The following EN2 variants were observed in gnomAD, a reference collection of about 807,000 sequenced individuals.
EN2 encodes homeobox protein engrailed-2.
EN2 carries 7 observed loss-of-function variants against 25.0 expected under a neutral mutation model. The ratio of observed to expected loss-of-function variants is 0.28; its 90% confidence interval spans 0.16 to 0.53. The LOEUF (loss-of-function observed/expected upper bound fraction) is 0.53, where lower values mean the gene tolerates loss of function less well. Among genes scored for constraint, EN2 ranks in the 20% least tolerant of loss-of-function variants. EN2 has a pLI of 0.96. For synonymous variants in EN2, 277 were observed against 243.3 expected (o/e 1.14, Z -1.29); for missense variants, 524 against 501.8 (o/e 1.04, Z -0.42).
At chr7:155,459,182 C>G (rs1182058782) in intron 1 of EN2, 120 bp downstream of exon 1, 2 of 1,094,040 alleles carry the variant, frequency 1.8e-6, no homozygotes, top group East Asian at 6.0e-5. Context: ...CGCGCACACG[C>G]ACAAAGACTC....
Position 155,464,102 on chromosome 7 carries a change from A to G in EN2, c.*1415A>G, listed in dbSNP as rs1795731514. 6.6e-6 allele frequency: 1 copy of G among 152,208 alleles called. No homozygotes were observed. The highest frequency in any genetic ancestry group is 6.5e-5 in the Admixed American group (1 of 15,280). The allele number at this position is 152,208 out of a possible 1,614,324, so 9.4% of individuals were successfully genotyped here. A position where few individuals can be genotyped will look rare whatever the true frequency, so the allele number is the denominator to read the frequency against. ...CTCAGAATCCTCCAGGATCTAGAAG[A>G]AGGAAGAAAGTGTGTAAATAATCAT... On this transcript the variant is annotated 3_prime_UTR_variant, in exon 2 of 2. Transcript: ENST00000297375.
chr7:155,458,483 A>T lies in EN2; in HGVS notation c.106A>T (p.Ser36Cys). ...GGGSGGGGGSSPGEADTGRRR... is the reference protein window; with the variant it reads ...GGGSGGGGGSCPGEADTGRRR... ...CGGCTCGGGCGGCGGCGGCGGTAGC[A>T]GCCCGGGCGAAGCGGACACCGGGCG... The change falls in exon 1 of 2, where the codon AGC becomes TGC. Residue 36 changes from serine (S) to cysteine (C), a missense_variant. By Grantham distance (112) the Ser-to-Cys change is moderately radical. Transcript: ENST00000297375. The T allele has an allele frequency of 7.7e-7, 1 of 1,296,212 alleles. No homozygotes were observed. Among genetic ancestry groups the T allele is most frequent in the Non-Finnish European group, 9.8e-7 (1 of 1,019,856 alleles). The allele number at this position is 1,296,212 out of a possible 1,614,324, so 80.3% of individuals were successfully genotyped here. A position where few individuals can be genotyped will look rare whatever the true frequency, so the allele number is the denominator to read the frequency against.
At chr7:155,460,274 G>T (rs888055215) in intron 1 of EN2, among the ~76,000 whole-genome samples, 13 of 152,210 alleles carry the variant, frequency 8.5e-5, no homozygotes, top group African/African-American at 2.9e-4. Flanking sequence ...GCGGGAGTTC[G>T]CTGAGCCAGC....
chr7:155,461,160 C>G (rs926737430), intron 1 of EN2, among the ~76,000 whole-genome samples: 5 of 152,318 alleles, frequency 3.3e-5, no homozygotes, highest in Non-Finnish European at 7.4e-5. Context: ...CGGCAGCTCT[C>G]CGGCCCTGAA....
rs1795707740 is a variant in EN2 at position 155,462,474 on chromosome 7, C to T, written c.789C>T (p.Phe263=). 1 of 1,614,078 alleles carries T rather than the reference C, an allele frequency of 6.2e-7. No individual in the cohort carries two copies. Among genetic ancestry groups the T allele is most frequent in the African/African-American group, 1.3e-5 (1 of 74,946 alleles). Residue 263 remains phenylalanine, a synonymous_variant, in exon 2 of 2, where the codon TTC becomes TTT. Transcript: ENST00000297375. The part of the protein sequence containing the change: ...AEQLQRLKAE[F]QTNRYLTEQR... The stretch of plus-strand genomic sequence containing the variant: ...AGCTGCAGAGGCTCAAGGCCGAGTT[C>T]CAGACCAACAGGTACCTGACGGAGC...
In EN2 at chr7:155,458,631, C is replaced by T. The variant is rs1405137045; in HGVS notation, c.254C>T (p.Ala85Val). The change falls in exon 1 of 2, where the codon GCG becomes GTG. Residue 85 changes from alanine to valine, a missense_variant. Coordinates refer to ENST00000297375, the MANE Select transcript of EN2 (RefSeq NM_001427.4). Reference protein sequence around the residue: ...LRPEFGRRKDAGTCCAGAGGG... With the variant: ...LRPEFGRRKDVGTCCAGAGGG... ...CCCGAGTTCGGCCGGCGAAAGGACG[C>T]GGGGACCTGCTGTGCGGGCGCGGGA... The T allele has an allele frequency of 1.4e-6, 2 of 1,444,800 alleles. No individual in the cohort carries two copies. The highest frequency in any genetic ancestry group is 2.9e-5 in the South Asian group (2 of 69,764). The allele number at this position is 1,444,800 out of a possible 1,614,324, so 89.5% of individuals were successfully genotyped here. A position where few individuals can be genotyped will look rare whatever the true frequency, so the allele number is the denominator to read the frequency against.
rs1795726318 is a variant in EN2 at position 155,463,707 on chromosome 7, G to C, written c.*1020G>C. ...TGTGGCCTAAAGCCCAAGAGCGGTGGGGCGACCCTCCTTTTGGCTTGGCCC... is the reference window on the plus strand; with the variant it reads ...TGTGGCCTAAAGCCCAAGAGCGGTGCGGCGACCCTCCTTTTGGCTTGGCCC... On this transcript the variant is annotated 3_prime_UTR_variant, in exon 2 of 2. Transcript: ENST00000297375. The C allele has an allele frequency of 6.6e-6, 1 of 152,148 alleles. No individual in the cohort carries two copies. Among genetic ancestry groups the C allele is most frequent in the Admixed American group, 6.5e-5 (1 of 15,272 alleles). 9.4% of individuals were successfully genotyped at this position (152,148 alleles called of 1,614,324 possible).
In EN2 at chr7:155,458,969, G is replaced by A. The variant is rs1795663501; in HGVS notation, c.592G>A (p.Asp198Asn). 3 of 1,540,082 alleles carry A rather than the reference G, an allele frequency of 1.9e-6. No homozygotes were observed. The highest frequency in any genetic ancestry group is 2.6e-6 in the Non-Finnish European group (3 of 1,152,750). Residue 198 changes from aspartate (D) to asparagine (N), a missense_variant, in exon 1 of 2, where the codon GAC (aspartate) becomes AAC (asparagine). Coordinates refer to ENST00000297375, the MANE Select transcript of EN2 (RefSeq NM_001427.4). ...CGACCTGTCGGTGAGCTCGGACTCGGACAGCTCGCAAGCCGGCGCCAACCT... is the reference window on the plus strand; with the variant it reads ...CGACCTGTCGGTGAGCTCGGACTCGAACAGCTCGCAAGCCGGCGCCAACCT... ...GGDLSVSSDS[D>N]SSQAGANLGA... is the part of the protein sequence containing the mutation.
chr7:155,458,877 C>T lies in EN2; in HGVS notation c.500C>T (p.Ala167Val). The T allele has an allele frequency of 1.3e-6, 2 of 1,495,006 alleles. No individual in the cohort carries two copies. The highest frequency in any genetic ancestry group is 1.8e-6 in the Non-Finnish European group (2 of 1,130,386). The allele number at this position is 1,495,006 out of a possible 1,614,324, so 92.6% of individuals were successfully genotyped here. A position where few individuals can be genotyped will look rare whatever the true frequency, so the allele number is the denominator to read the frequency against. Residue 167 changes from alanine (A) to valine (V), a missense_variant, in exon 1 of 2, where the codon GCC becomes GTC. By Grantham distance (64) the Ala-to-Val change is moderately conservative. Coordinates refer to ENST00000297375, the MANE Select transcript of EN2 (RefSeq NM_001427.4). ...GSKTLSLHGG[A>V]KKGGDPGGPL... is the part of the protein sequence containing the mutation. ...AAGACGCTCTCGCTGCACGGTGGCGCCAAGAAAGGCGGCGACCCCGGCGGC... is the reference window on the plus strand; with the variant it reads ...AAGACGCTCTCGCTGCACGGTGGCGTCAAGAAAGGCGGCGACCCCGGCGGC...
At chr7:155,459,156 C>T (rs957217628) in intron 1 of EN2, 94 bp downstream of exon 1, 154 of 1,274,534 alleles carry the variant, frequency 1.2e-4, no homozygotes, top group Non-Finnish European at 9.8e-5. Context: ...GGGAGGAAAA[C>T]ATCTCGAACC....
chr7:155,458,903 C>G lies in EN2; in HGVS notation c.526C>G (p.Pro176Ala). 2.0e-6 allele frequency: 3 copies of G among 1,511,222 alleles called. No individual in the cohort carries two copies. The highest frequency in any genetic ancestry group is 1.8e-6 in the Non-Finnish European group (2 of 1,137,332). The allele number at this position is 1,511,222 out of a possible 1,614,324, so 93.6% of individuals were successfully genotyped here. Residue 176 changes from proline (P) to alanine (A), a missense_variant, in exon 1 of 2, where the codon CCC (proline) becomes GCC (alanine). Physicochemically the swap from Pro to Ala is conservative, Grantham distance 27. Transcript: ENST00000297375. ...GAKKGGDPGG[P>A]LDGSLKARGL... is the part of the protein sequence containing the mutation. ...CAAGAAAGGCGGCGACCCCGGCGGCCCCCTGGACGGGTCGCTCAAGGCCCG... is the reference window on the plus strand; with the variant it reads ...CAAGAAAGGCGGCGACCCCGGCGGCGCCCTGGACGGGTCGCTCAAGGCCCG...
chr7:155,461,033 C>T (rs1005235860), intron 1 of EN2, among the ~76,000 whole-genome samples: 2 of 152,196 alleles, frequency 1.3e-5, no homozygotes, highest in Middle Eastern at 3.2e-3. Flanking sequence ...GCCTCCAGTT[C>T]GTCCCCCACC....
chr7:155,458,966 T>G lies in EN2; in HGVS notation c.589T>G (p.Ser197Ala). 6.5e-7 allele frequency: 1 copy of G among 1,537,818 alleles called. No individual in the cohort carries two copies. The highest frequency in any genetic ancestry group is 8.7e-7 in the Non-Finnish European group (1 of 1,151,406). ...GGGDLSVSSD[S>A]DSSQAGANLG... ...CGGCGACCTGTCGGTGAGCTCGGAC[T>G]CGGACAGCTCGCAAGCCGGCGCCAA... The change falls in exon 1 of 2, where the codon TCG (serine) becomes GCG (alanine). Residue 197 changes from serine (S) to alanine (A), a missense_variant. Ser to Ala is a moderately conservative substitution (Grantham distance 99). Transcript: ENST00000297375.
rs934700331 is a variant in EN2, at chr7:155,458,762, C to T, written c.385C>T (p.Pro129Ser). 148 of 1,368,750 alleles carry T rather than the reference C, an allele frequency of 1.1e-4. No homozygotes were observed. The highest frequency in any genetic ancestry group is 2.6e-4 in the Middle Eastern group (1 of 3,822). 84.8% of individuals were successfully genotyped at this position (1,368,750 alleles called of 1,614,324 possible). Residue 129 changes from proline to serine, a missense_variant, in exon 1 of 2, where the codon CCC becomes TCC. Physicochemically the swap from Pro to Ser is moderately conservative, Grantham distance 74. Transcript: ENST00000297375. Reference protein sequence around the residue: ...EQLLGSGSREPRQNPPCAPGA... With the variant: ...EQLLGSGSRESRQNPPCAPGA... ...GCTCTTGGGCTCGGGCTCCCGAGAGCCCCGGCAGAACCCGCCATGTGCGCC... is the reference window on the plus strand; with the variant it reads ...GCTCTTGGGCTCGGGCTCCCGAGAGTCCCGGCAGAACCCGCCATGTGCGCC...
chr7:155,458,815 C>A lies in EN2; in HGVS notation c.438C>A (p.Ala146=), dbSNP rs1415807289. ...APGAGGPLPA[A]GSDSPGDGEG... ...GCGCGGGCGGGCCGCTCCCAGCCGC[C>A]GGCAGCGACTCTCCGGGTGACGGGG... is the stretch of plus-strand genomic sequence containing the variant. The change falls in exon 1 of 2, where the codon GCC becomes GCA. Residue 146 remains alanine (A), a synonymous_variant. Coordinates refer to ENST00000297375, the MANE Select transcript of EN2 (RefSeq NM_001427.4). The A allele has an allele frequency of 1.1e-5, 16 of 1,416,156 alleles. No homozygotes were observed. Among genetic ancestry groups the A allele is most frequent in the African/African-American group, 1.5e-5 (1 of 65,970 alleles). The allele number at this position is 1,416,156 out of a possible 1,614,324, so 87.7% of individuals were successfully genotyped here.
chr7:155,459,473 C>T (rs1430616233), intron 1 of EN2, among the ~76,000 whole-genome samples: 1 of 152,194 alleles, frequency 6.6e-6, no homozygotes, highest in Non-Finnish European at 1.5e-5. Context: ...CACTCTCATC[C>T]CCTTCCCTAC....
chr7:155,458,477 G>T lies in EN2; in HGVS notation c.100G>T (p.Gly34Cys), dbSNP rs1357278880. The T allele has an allele frequency of 1.8e-5, 23 of 1,294,910 alleles. No individual in the cohort carries two copies. The highest frequency in any genetic ancestry group is 2.3e-5 in the Non-Finnish European group (23 of 1,019,380). 80.2% of individuals were successfully genotyped at this position (1,294,910 alleles called of 1,614,324 possible). Residue 34 changes from glycine to cysteine, a missense_variant, in exon 1 of 2, where the codon GGT (glycine) becomes TGT (cysteine). Coordinates refer to ENST00000297375, the MANE Select transcript of EN2 (RefSeq NM_001427.4). ...CGGCGGCGGCTCGGGCGGCGGCGGCGGTAGCAGCCCGGGCGAAGCGGACAC... is the reference window on the plus strand; with the variant it reads ...CGGCGGCGGCTCGGGCGGCGGCGGCTGTAGCAGCCCGGGCGAAGCGGACAC... ...SPGGGSGGGGGSSPGEADTGR... is the reference protein window; with the variant it reads ...SPGGGSGGGGCSSPGEADTGR...
At chr7:155,460,460 T>G (rs1425456695) in intron 1 of EN2, among the ~76,000 whole-genome samples, 2 of 152,228 alleles carry the variant, frequency 1.3e-5, no homozygotes, top group African/African-American at 4.8e-5. Flanking sequence ...GAGGTTTGAT[T>G]CTGTTTCTGA....
chr7:155,459,872 C>T (rs1007906584), intron 1 of EN2, among the ~76,000 whole-genome samples: 2 of 152,268 alleles, frequency 1.3e-5, no homozygotes, highest in African/African-American at 2.4e-5. Context: ...AGGGGCCCTG[C>T]AGAGATGCTG....
Sources: gnomAD v4.1 joint callset for allele counts (sites outside exome capture counted in the v4.1 genomes callset) on GRCh38, gnomAD v4.1.1 for gene constraint, MANE v1.5 for transcripts, NCBI Gene and HGNC (gene_info 2026-07-23, HGNC 2026-07-21) for gene names.